SEC11A: variants seen among roughly 807,000 people sequenced by gnomAD.
The protein encoded by SEC11A is SEC11 homolog A, signal peptidase complex subunit.
A neutral mutation model predicts 25.6 loss-of-function variants in SEC11A; 14 were observed. That is an observed-to-expected ratio of 0.55 (90% confidence interval 0.36 to 0.85). The LOEUF is 0.85. Among genes scored for constraint, SEC11A ranks in the 40% least tolerant of loss-of-function variants. The pLI is 0.01. For synonymous variants in SEC11A, 83 were observed against 76.4 expected (o/e 1.09, Z -0.45); for missense variants, 153 against 222.9 (o/e 0.69, Z 2.00).
At chr15:84,710,019 C>T (rs1364963972) in intron 1 of SEC11A, among the ~76,000 whole-genome samples, 8 of 152,166 alleles carry the variant, frequency 5.3e-5, no homozygotes, top group Non-Finnish European at 1.0e-4. Context: ...CAGGCGTGAG[C>T]CACTGCACCC....
At chr15:84,700,593 C>CAAAAAAAAAAAA (rs776113920) in intron 1 of SEC11A, among the ~76,000 whole-genome samples, 5 of 36,102 alleles carry the variant, frequency 1.4e-4, no homozygotes, top group African/African-American at 2.7e-4. Flanking sequence ...GACTCTGTCT[C>CAAAAAAAAAAAA]AAAAAAAAAA....
At chr15:84,675,118 T>C (rs1897102121) in intron 4 of SEC11A, among the ~76,000 whole-genome samples, 1 of 152,236 alleles carries the variant, frequency 6.6e-6, no homozygotes, top group South Asian at 2.1e-4. Context: ...TTTGCCTATT[T>C]TGCTCAGATA....
rs183829590 is a variant in SEC11A, at chr15:84,695,205, G to T, written c.52-3561C>A. On this transcript the variant is annotated intron_variant, in intron 1 of 5. Coordinates refer to ENST00000268220, the MANE Select transcript of SEC11A (RefSeq NM_014300.4). ...AGGCTGGGCTCGGTGGCTCACGCAT[G>T]TAATCCCAGCACTTTGGGAGGCCAA... is the stretch of plus-strand genomic sequence containing the variant. Among the ~76,000 whole-genome samples, 13 of 150,084 alleles carry T rather than the reference G, an allele frequency of 8.7e-5. No homozygotes were observed. In the Admixed American group the frequency reaches 8.7e-4, roughly 10 times the overall value.
intron 1 of SEC11A, among the ~76,000 whole-genome samples, chr15:84,699,782 A>G (rs1312087249): frequency 6.6e-6 from 1 of 150,630 alleles, no homozygotes; most frequent in African/African-American, 2.5e-5. Flanking sequence ...AAAAAAACAA[A>G]GACACACACA....
intron 4 of SEC11A, 157 bp from the exon 5 acceptor site, chr15:84,670,939 G>C: frequency 6.9e-6 from 3 of 436,166 alleles, no homozygotes; most frequent in Non-Finnish European, 4.2e-6. Context: ...AAAAGCCCAA[G>C]TGATAGGAAA....
At chr15:84,694,540 T>C (rs1337432046) in intron 1 of SEC11A, among the ~76,000 whole-genome samples, 1 of 152,196 alleles carries the variant, frequency 6.6e-6, no homozygotes, top group Non-Finnish European at 1.5e-5. Context: ...AGCAATATCC[T>C]AGCCATGGCA....
intron 1 of SEC11A, among the ~76,000 whole-genome samples, chr15:84,711,292 G>A (rs564655756): frequency 6.6e-6 from 1 of 151,936 alleles, no homozygotes; most frequent in East Asian, 1.9e-4. Context: ...TGAGGTGGGA[G>A]AATCACTTGA....
intron 1 of SEC11A, among the ~76,000 whole-genome samples, chr15:84,699,505 G>A (rs1451546167): frequency 6.6e-6 from 1 of 152,076 alleles, no homozygotes; most frequent in Non-Finnish European, 1.5e-5. Context: ...TGATTACTTA[G>A]AAAGGGGAAA....
chr15:84,711,423 T>G (rs779505269), intron 1 of SEC11A, among the ~76,000 whole-genome samples: 58 of 151,390 alleles, frequency 3.8e-4, no homozygotes, highest in Non-Finnish European at 6.8e-4. Flanking sequence ...AAAACAAACC[T>G]CTCATACTAA....
At chr15:84,685,435 T>A (rs1028378398) in intron 3 of SEC11A, among the ~76,000 whole-genome samples, 1 of 149,718 alleles carries the variant, frequency 6.7e-6, no homozygotes, top group Non-Finnish European at 1.5e-5. Context: ...TTTTTTTTTT[T>A]TTTTTTTATT....
intron 4 of SEC11A, among the ~76,000 whole-genome samples, chr15:84,678,993 CAA>C (rs547897320): frequency 9.8e-5 from 11 of 112,054 alleles, no homozygotes; most frequent in African/African-American, 9.9e-5. Context: ...AGACTGTCTC[CAA>C]AAAAAAAAAA....
chr15:84,694,118 G>A (rs1233659433), intron 1 of SEC11A, among the ~76,000 whole-genome samples: 1 of 152,144 alleles, frequency 6.6e-6, no homozygotes, highest in Non-Finnish European at 1.5e-5. Context: ...AATTTGGGAG[G>A]CTGAGGTGGG....
chr15:84,670,551 T>C, intron 5 of SEC11A, 174 bp downstream of exon 5: 1 of 405,224 alleles, frequency 2.5e-6, no homozygotes, highest in Middle Eastern at 7.1e-4. Context: ...ATAATTTTTT[T>C]TTTTTTTTAA....
At chr15:84,701,409 TC>T (rs1897938219) in intron 1 of SEC11A, among the ~76,000 whole-genome samples, 1 of 151,480 alleles carries the variant, frequency 6.6e-6, no homozygotes, top group Non-Finnish European at 1.5e-5. Context: ...AACCTCCACC[TC>T]CCGGGTTCAA....
intron 1 of SEC11A, among the ~76,000 whole-genome samples, chr15:84,708,689 G>A (rs1363488451): frequency 6.6e-6 from 1 of 152,100 alleles, no homozygotes; most frequent in Non-Finnish European, 1.5e-5. Flanking sequence ...TTGGGAGGCT[G>A]AGGTGGGGGG....
intron 1 of SEC11A, among the ~76,000 whole-genome samples, chr15:84,713,913 C>T (rs1259301149): frequency 6.6e-6 from 1 of 151,968 alleles, no homozygotes; most frequent in Admixed American, 6.6e-5. Flanking sequence ...TGGAACCTCT[C>T]AAAATTTTCC....
chr15:84,669,929 C>T lies in SEC11A; in HGVS notation c.*90G>A, dbSNP rs1321601008. On this transcript the variant is annotated 3_prime_UTR_variant, in exon 6 of 6. Transcript: ENST00000268220. ...ACCCAGAAGCACCAACACGTGTGTTCTCCATTCCACCAATCACAGACCAGT... is the reference window on the plus strand; with the variant it reads ...ACCCAGAAGCACCAACACGTGTGTTTTCCATTCCACCAATCACAGACCAGT... 1 of 1,599,346 alleles carries T rather than the reference C, an allele frequency of 6.3e-7. No individual in the cohort carries two copies. The highest frequency in any genetic ancestry group is 8.5e-7 in the Non-Finnish European group (1 of 1,173,262).
At chr15:84,711,426 C>A (rs1454466214) in intron 1 of SEC11A, among the ~76,000 whole-genome samples, 1 of 151,788 alleles carries the variant, frequency 6.6e-6, no homozygotes, top group Non-Finnish European at 1.5e-5. Context: ...ACAAACCTCT[C>A]ATACTAATCA....
At chr15:84,679,843 T>A (rs754448012) in intron 4 of SEC11A, 23 of 915,516 alleles carry the variant, frequency 2.5e-5, no homozygotes, top group Non-Finnish European at 3.5e-5. Flanking sequence ...TGGTACACAA[T>A]AAGCCCTAAT....
Sources: allele counts gnomAD v4.1 joint callset (sites outside exome capture counted in the v4.1 genomes callset), GRCh38; gene constraint gnomAD v4.1.1; transcripts MANE v1.5; gene names NCBI Gene and HGNC (gene_info 2026-07-23, HGNC 2026-07-21).